The following TMEM53 variants were observed in gnomAD, a reference collection of about 807,000 sequenced individuals.
TMEM53 encodes novel DUF829 domain-containing protein.
A neutral mutation model predicts 21.4 loss-of-function variants in TMEM53; 14 were observed. That is an observed-to-expected ratio of 0.65 (90% CI 0.43 to 1.02). TMEM53 has a LOEUF of 1.02. Ranked by LOEUF, TMEM53 falls within the 50% of genes least tolerant of loss-of-function variation. The pLI is 0.00. For synonymous variants in TMEM53, 148 were observed against 157.4 expected (o/e 0.94, Z 0.45); for missense variants, 323 against 383.6 (o/e 0.84, Z 1.32).
At position 44,671,519 on chromosome 1, in the gene TMEM53, T is replaced by C. The variant is rs1221462049; in HGVS notation, c.61+2812A>G. ...GCTCATACCTGTAATCGCAGCACTT[T>C]GGGAGGCTGCGATAGGAGGACTGCT... On this transcript the variant is annotated intron_variant, in intron 1 of 2. Transcript: ENST00000372237. Among the ~76,000 whole-genome samples the C allele has an allele frequency of 2.0e-5, 3 of 152,214 alleles. No individual in the cohort carries two copies. In the East Asian group the frequency reaches 5.8e-4, roughly 29 times the overall value.
At position 44,660,315 on chromosome 1, in the gene TMEM53, T is replaced by A. The variant is rs1269212504; in HGVS notation, c.62-20A>T. 8 of 1,606,328 alleles carry A rather than the reference T, an allele frequency of 5.0e-6. No individual in the cohort carries two copies. Among genetic ancestry groups the A allele is most frequent in the Non-Finnish European group, 6.8e-6 (8 of 1,176,232 alleles). On this transcript the variant is annotated intron_variant, in intron 1 of 2. Coordinates refer to ENST00000372237, the MANE Select transcript of TMEM53 (RefSeq NM_024587.4). The stretch of plus-strand genomic sequence containing the variant: ...TGTTCTCTGAAACACAGATGTGGAC[T>A]GTCAACACCAGAGCTGGGGTGGGGG...
chr1:44,664,929 C>T (rs753219193), intron 1 of TMEM53, among the ~76,000 whole-genome samples: 6 of 152,156 alleles, frequency 3.9e-5, no homozygotes, highest in African/African-American at 9.7e-5. Context: ...CGTGCTCTAC[C>T]GCCTCCACCA....
chr1:44,655,142 G>C lies in TMEM53; in HGVS notation c.251C>G (p.Pro84Arg). 1 of 1,614,142 alleles carries C rather than the reference G, an allele frequency of 6.2e-7. No homozygotes were observed. The highest frequency in any genetic ancestry group is 8.5e-7 in the Non-Finnish European group (1 of 1,180,010). ...MVFFSESLGI[P>R]SLRVLAQKLL... ...CTTCTGGGCCAAAACACGAAGTGAA[G>C]GGATACCCAGTGACTCGGAGAAGAA... The change falls in exon 3 of 3, where the codon CCT becomes CGT. Residue 84 changes from proline (P) to arginine (R), a missense_variant. Transcript: ENST00000372237. This position sits in a 1 kb window ranked among gnomAD's most constrained non-coding sequence, Gnocchi z 4.4.
At chr1:44,668,068 A>C (rs1644964581) in intron 1 of TMEM53, among the ~76,000 whole-genome samples, 1 of 152,220 alleles carries the variant, frequency 6.6e-6, no homozygotes. Flanking sequence ...TGGGCTGATA[A>C]GGCATAAGGG....
Position 44,654,462 on chromosome 1 carries a change from A to C in TMEM53, c.*97T>G. On this transcript the variant is annotated 3_prime_UTR_variant, in exon 3 of 3. Transcript: ENST00000372237. This position sits in a 1 kb window ranked among gnomAD's most constrained non-coding sequence, Gnocchi z 7.0. ...GGGGACCGCAAAGTCCCAAAGGGCT[A>C]CAGGGAGTTGAACGAGAAGAGTGCC... The C allele has an allele frequency of 7.0e-7, 1 of 1,419,954 alleles. No homozygotes were observed. Among genetic ancestry groups the C allele is most frequent in the Non-Finnish European group, 9.6e-7 (1 of 1,039,206 alleles). The allele number at this position is 1,419,954 out of a possible 1,614,324, so 88.0% of individuals were successfully genotyped here. A position where few individuals can be genotyped will look rare whatever the true frequency, so the allele number is the denominator to read the frequency against.
At position 44,661,293 on chromosome 1, in the gene TMEM53, C is replaced by T. The variant is rs563236492; in HGVS notation, c.62-998G>A. Among the ~76,000 whole-genome samples the T allele has an allele frequency of 5.9e-4, 90 of 152,186 alleles. 1 individual carries two copies. Among genetic ancestry groups the T allele is most frequent in the Admixed American group, 5.6e-3 (86 of 15,278 alleles). Reference sequence around the variant, plus strand: ...TCACCCAGGCTGGAGGGCAGTGGCACGATCTCAGCTCAGGGCAACCTCCAT... The same window carrying T: ...TCACCCAGGCTGGAGGGCAGTGGCATGATCTCAGCTCAGGGCAACCTCCAT... On this transcript the variant is annotated intron_variant, in intron 1 of 2. Transcript: ENST00000372237.
At chr1:44,666,083 G>T (rs2148535555) in intron 1 of TMEM53, among the ~76,000 whole-genome samples, 1 of 152,290 alleles carries the variant, frequency 6.6e-6, no homozygotes, top group South Asian at 2.1e-4. Context: ...TATTAAGCAG[G>T]TCTTTCTCCA....
chr1:44,660,078 G>A lies in TMEM53; in HGVS notation c.183+96C>T, dbSNP rs546784133. The A allele has an allele frequency of 2.0e-5, 29 of 1,450,282 alleles. 1 individual carries two copies. Among genetic ancestry groups the A allele is most frequent in the East Asian group, 7.6e-5 (3 of 39,710 alleles). The allele number at this position is 1,450,282 out of a possible 1,614,324, so 89.8% of individuals were successfully genotyped here. On this transcript the variant is annotated intron_variant, in intron 2 of 2. Coordinates refer to ENST00000372237, the MANE Select transcript of TMEM53 (RefSeq NM_024587.4). ...TGACCATGTTGGCCAGGCTGGTCTC[G>A]AACTCTAGAGGCTGTTCTTAAAGCC...
At chr1:44,660,711 G>T (rs549287552) in intron 1 of TMEM53, among the ~76,000 whole-genome samples, 2,409 of 152,110 alleles carry the variant, frequency 0.016, 82 homozygotes, top group Admixed American at 0.066. Context: ...TCGGCTGGGC[G>T]CGGTGGCTCA....
intron 1 of TMEM53, among the ~76,000 whole-genome samples, chr1:44,667,935 A>G (rs951623107): frequency 6.6e-6 from 1 of 152,216 alleles, no homozygotes; most frequent in African/African-American, 2.4e-5. Flanking sequence ...TTCTCAACAA[A>G]TAACACTGAC....
At chr1:44,663,047 T>C (rs1644914966) in intron 1 of TMEM53, among the ~76,000 whole-genome samples, 1 of 152,172 alleles carries the variant, frequency 6.6e-6, no homozygotes, top group African/African-American at 2.4e-5. Context: ...TCTGTAATAT[T>C]CTTTATTGAT....
Position 44,655,197 on chromosome 1 carries a change from T to A in TMEM53, c.196A>T (p.Ile66Phe). 6.2e-7 allele frequency: 1 copy of A among 1,605,880 alleles called. No homozygotes were observed. The highest frequency in any genetic ancestry group is 8.5e-7 in the Non-Finnish European group (1 of 1,175,724). Residue 66 changes from isoleucine to phenylalanine, a missense_variant, in exon 3 of 3, where the codon ATC becomes TTC. Coordinates refer to ENST00000372237, the MANE Select transcript of TMEM53 (RefSeq NM_024587.4). This position sits in a 1 kb window ranked among gnomAD's most constrained non-coding sequence, Gnocchi z 4.4. Reference protein sequence around the residue: ...AIYHKRGCIVIRYTAPWHMVF... With the variant: ...AIYHKRGCIVFRYTAPWHMVF... ...ATGTGCCACGGGGCTGTGTATCGGATTACGATGCAGCCCTGGGGAGAGAGG... is the reference window on the plus strand; with the variant it reads ...ATGTGCCACGGGGCTGTGTATCGGAATACGATGCAGCCCTGGGGAGAGAGG...
intron 1 of TMEM53, among the ~76,000 whole-genome samples, chr1:44,666,838 G>C (rs939555012): frequency 6.6e-6 from 1 of 151,628 alleles, no homozygotes; most frequent in Admixed American, 6.6e-5. Context: ...CCAGTGAATT[G>C]TACTTTTTTT....
chr1:44,667,410 C>T (rs988378706), intron 1 of TMEM53, among the ~76,000 whole-genome samples: 4 of 150,710 alleles, frequency 2.7e-5, no homozygotes, highest in East Asian at 1.9e-4. Flanking sequence ...CAGGTTCAAG[C>T]GATTCTCCTG....
Position 44,654,939 on chromosome 1 carries a change from C to G in TMEM53, c.454G>C (p.Val152Leu). 1 of 1,613,770 alleles carries G rather than the reference C, an allele frequency of 6.2e-7. No homozygotes were observed. The change falls in exon 3 of 3, where the codon GTA becomes CTA. Residue 152 changes from valine (V) to leucine (L), a missense_variant. Physicochemically the swap from Val to Leu is conservative, Grantham distance 32. Transcript: ENST00000372237. The surrounding 1 kb of genome is among the most constrained non-coding windows in gnomAD (Gnocchi z 7.0). ...FDSAPGDSNL[V>L]GALRALAAIL... ...GCTGCCAGGGCCCGCAGAGCCCCTA[C>G]CAGGTTGCTGTCACCAGGAGCGCTG...
intron 1 of TMEM53, among the ~76,000 whole-genome samples, chr1:44,668,217 C>T (rs1302297829): frequency 1.3e-5 from 2 of 151,902 alleles, no homozygotes; most frequent in Non-Finnish European, 2.9e-5. Context: ...CCGAGGTGGG[C>T]GGATCATGAG....
At chr1:44,666,319 G>A (rs1039029583) in intron 1 of TMEM53, among the ~76,000 whole-genome samples, 18 of 152,168 alleles carry the variant, frequency 1.2e-4, no homozygotes, top group Non-Finnish European at 2.9e-5. Context: ...CAGTATGGCA[G>A]ATCCTCAAAA....
Position 44,654,426 on chromosome 1 carries a change from T to C in TMEM53, c.*133A>G, listed in dbSNP as rs113782153. ...CCCCCAGGAGACAGGCCCATAGGAA[T>C]TTTCTACTTAGGGGACCGCAAAGTC... On this transcript the variant is annotated 3_prime_UTR_variant, in exon 3 of 3. Transcript: ENST00000372237. The surrounding 1 kb of genome is among the most constrained non-coding windows in gnomAD (Gnocchi z 7.0). 5 of 1,078,176 alleles carry C rather than the reference T, an allele frequency of 4.6e-6. No homozygotes were observed. Among genetic ancestry groups the C allele is most frequent in the African/African-American group, 3.2e-5 (2 of 63,226 alleles). 66.8% of individuals were successfully genotyped at this position (1,078,176 alleles called of 1,614,324 possible). A position where few individuals can be genotyped will look rare whatever the true frequency, so the allele number is the denominator to read the frequency against.
intron 1 of TMEM53, 27 bp downstream of exon 1, chr1:44,674,304 C>A: frequency 1.2e-6 from 2 of 1,600,896 alleles, no homozygotes; most frequent in East Asian, 2.3e-5. Flanking sequence ...CACCTCCCCG[C>A]GCCTGGACCC....
Sources: gnomAD v4.1 joint callset for allele counts (sites outside exome capture counted in the v4.1 genomes callset) on GRCh38, gnomAD v4.1.1 for gene constraint, Gnocchi (gnomAD v3.1) non-coding constraint, MANE v1.5 for transcripts, NCBI Gene and HGNC (gene_info 2026-07-23, HGNC 2026-07-21) for gene names.